The following PRDM7 variants were observed in gnomAD, a reference collection of about 807,000 sequenced individuals.
PRDM7 encodes the protein histone-lysine N-methyltransferase PRDM7.
PRDM7 carries 52 observed loss-of-function variants against 64.3 expected under a neutral mutation model. That is an observed-to-expected ratio of 0.81 (90% CI 0.65 to 1.02). The LOEUF (loss-of-function observed/expected upper bound fraction) is 1.02. PRDM7 is among the 50% of genes least tolerant of loss of function. The probability of loss-of-function intolerance (pLI) is 0.00; values close to 1 mark genes in which losing one functional copy is unlikely to be tolerated. For synonymous variants in PRDM7, 192 were observed against 210.1 expected (o/e 0.91, Z 0.74); for missense variants, 574 against 597.1 (o/e 0.96, Z 0.40).
intron 4 of PRDM7, 136 bp from the exon 5 acceptor site, chr16:90,067,046 C>A (rs1400468815): frequency 8.6e-6 from 6 of 699,288 alleles, no homozygotes; most frequent in Non-Finnish European, 1.5e-5. Flanking sequence ...CTCACTGCAA[C>A]CTCCGCCTCC....
intron 4 of PRDM7, among the ~76,000 whole-genome samples, chr16:90,069,024 A>G (rs1436881255): frequency 2.6e-5 from 4 of 151,374 alleles, no homozygotes; most frequent in Non-Finnish European, 5.9e-5. Flanking sequence ...AAAATCATAT[A>G]GAATCTCTAA....
At position 90,057,873 on chromosome 16, in the gene PRDM7, TG is replaced by T; in HGVS notation, c.*415del. ...TTCCTGCAGACTGGGGCGTCTCCCCTGTGTGTCCTCTGGTGAATGAGGAGGA... is the reference window on the plus strand; with the variant it reads ...TTCCTGCAGACTGGGGCGTCTCCCCTTGTGTCCTCTGGTGAATGAGGAGGA... On this transcript the variant is annotated 3_prime_UTR_variant, in exon 11 of 11. Coordinates refer to ENST00000449207, the MANE Select transcript of PRDM7 (RefSeq NM_001098173.2). The T allele has an allele frequency of 1.3e-6, 2 of 1,514,416 alleles. No homozygotes were observed. The highest frequency in any genetic ancestry group is 1.8e-6 in the Non-Finnish European group (2 of 1,111,118). 93.8% of individuals were successfully genotyped at this position (1,514,416 alleles called of 1,614,324 possible).
chr16:90,073,546 C>T (rs2037992619), intron 4 of PRDM7, among the ~76,000 whole-genome samples: 1 of 151,920 alleles, frequency 6.6e-6, no homozygotes. Context: ...ACTACAGGTG[C>T]CCGCCACCGT....
At chr16:90,065,008 T>C (rs550732808) in intron 5 of PRDM7, among the ~76,000 whole-genome samples, 202 of 151,006 alleles carry the variant, frequency 1.3e-3, no homozygotes, top group Admixed American at 2.3e-3. Flanking sequence ...TGTGAGCCAC[T>C]GCCTCCGGCA....
intron 4 of PRDM7, among the ~76,000 whole-genome samples, chr16:90,072,187 C>T (rs1304056993): frequency 6.6e-6 from 1 of 150,406 alleles, no homozygotes; most frequent in African/African-American, 2.4e-5. Context: ...GCCGAGATTG[C>T]GCCACTGCAC....
chr16:90,066,953 T>C, intron 4 of PRDM7, 43 bp from the exon 5 acceptor site: 1 of 1,510,032 alleles, frequency 6.6e-7, no homozygotes. Flanking sequence ...GGTAAATGTT[T>C]CCAAACTCTA....
At position 90,061,999 on chromosome 16, in the gene PRDM7, T is replaced by C. The variant is rs1316933862; in HGVS notation, c.804A>G (p.Pro268=). The C allele has an allele frequency of 1.7e-5, 27 of 1,614,166 alleles. No individual in the cohort carries two copies. The highest frequency in any genetic ancestry group is 4.0e-5 in the African/African-American group (3 of 74,956). ...LGVWNEASDL[P]LGLHFGPYEG... ...CATAGGGGCCAAAGTGCAGACCCAG[T>C]GGCAGATCAGATGCCTCGTTCCATA... The change falls in exon 8 of 11, where the codon CCA becomes CCG. Residue 268 remains proline (P), a synonymous_variant. Transcript: ENST00000449207.
At position 90,058,186 on chromosome 16, in the gene PRDM7, G is replaced by T; in HGVS notation, c.*103C>A. On this transcript the variant is annotated 3_prime_UTR_variant, in exon 11 of 11. Coordinates refer to ENST00000449207, the MANE Select transcript of PRDM7 (RefSeq NM_001098173.2). Reference sequence around the variant, plus strand: ...TGGATTCACTTTCTGGCCTGTTCTGGACTCTTCTTCCATCATTCTTTCTCC... The same window carrying T: ...TGGATTCACTTTCTGGCCTGTTCTGTACTCTTCTTCCATCATTCTTTCTCC... 6.2e-7 allele frequency: 1 copy of T among 1,614,146 alleles called. No individual in the cohort carries two copies. The highest frequency in any genetic ancestry group is 8.5e-7 in the Non-Finnish European group (1 of 1,180,034).
At chr16:90,074,566 ACT>A (rs1472221090) in intron 4 of PRDM7, among the ~76,000 whole-genome samples, 1 of 150,546 alleles carries the variant, frequency 6.6e-6, no homozygotes, top group Non-Finnish European at 1.5e-5. Flanking sequence ...ACAGAGCAAG[ACT>A]CTGTCTTAAA....
Position 90,058,098 on chromosome 16 carries a change from T to C in PRDM7, c.*191A>G. The C allele has an allele frequency of 1.2e-6, 2 of 1,614,018 alleles. No homozygotes were observed. Among genetic ancestry groups the C allele is most frequent in the South Asian group, 2.2e-5 (2 of 91,082 alleles). ...TATCACTGAAACCTTGCCCACACTC[T>C]CCATATTTGACTTTCGCAATTCTTG... On this transcript the variant is annotated 3_prime_UTR_variant, in exon 11 of 11. Transcript: ENST00000449207.
Position 90,058,037 on chromosome 16 carries a change from C to G in PRDM7, c.*252G>C, listed in dbSNP as rs2037709907. 6.8e-6 allele frequency: 11 copies of G among 1,611,588 alleles called. No individual in the cohort carries two copies. In the Middle Eastern group the frequency reaches 8.3e-4, roughly 121 times the overall value. On this transcript the variant is annotated 3_prime_UTR_variant, in exon 11 of 11. Transcript: ENST00000449207. ...TCTCTGCAGACGTAGGGCTTCCCCC[C>G]TGTGTGTGTCCTTTGGTGTGTAATA...
At chr16:90,066,472 G>T (rs576316798) in intron 5 of PRDM7, among the ~76,000 whole-genome samples, 2 of 151,338 alleles carry the variant, frequency 1.3e-5, no homozygotes, top group South Asian at 4.1e-4. Context: ...TAGAGAAGGA[G>T]TTTTGGATTA....
At position 90,063,640 on chromosome 16, in the gene PRDM7, G is replaced by A. The variant is rs758242342; in HGVS notation, c.480C>T (p.Thr160=). 9 of 1,613,794 alleles carry A rather than the reference G, an allele frequency of 5.6e-6. No individual in the cohort carries two copies. The highest frequency in any genetic ancestry group is 7.6e-6 in the Non-Finnish European group (9 of 1,180,014). Residue 160 remains threonine (T), a synonymous_variant, in exon 6 of 11, where the codon ACC becomes ACT. Coordinates refer to ENST00000449207, the MANE Select transcript of PRDM7 (RefSeq NM_001098173.2). ...KPVSPPGEAS[T]SGQHSRLKLE... ...GTTTTAGTCTAGAGTGCTGTCCAGA[G>A]GTACTTGCTTCTCCAGGAGGGGACA... is the stretch of plus-strand genomic sequence containing the variant.
chr16:90,074,273 A>AATCATC (rs904859540), intron 4 of PRDM7, among the ~76,000 whole-genome samples: 1 of 117,312 alleles, frequency 8.5e-6, no homozygotes, highest in Non-Finnish European at 1.8e-5. Flanking sequence ...TAATAGTAAC[A>AATCATC]ATCATCATCG....
chr16:90,070,715 A>T (rs1474444172), intron 4 of PRDM7, among the ~76,000 whole-genome samples: 1 of 143,836 alleles, frequency 7.0e-6, no homozygotes, highest in African/African-American at 2.8e-5. Flanking sequence ...AGTCAGGAAG[A>T]GAGCCCTCAC....
intron 4 of PRDM7, 39 bp downstream of exon 4, chr16:90,074,877 C>CT: frequency 6.3e-7 from 1 of 1,587,548 alleles, no homozygotes. Flanking sequence ...GAAACTCCGT[C>CT]TTTAAAAAAA....
At chr16:90,064,577 C>G (rs1383975595) in intron 5 of PRDM7, among the ~76,000 whole-genome samples, 1 of 151,854 alleles carries the variant, frequency 6.6e-6, no homozygotes, top group Admixed American at 6.6e-5. Context: ...CCACACCCAG[C>G]TAATTTTTGT....
At chr16:90,066,371 A>T (rs2037872068) in intron 5 of PRDM7, among the ~76,000 whole-genome samples, 1 of 151,372 alleles carries the variant, frequency 6.6e-6, no homozygotes, top group Admixed American at 6.6e-5. Flanking sequence ...TGAGGTTGAA[A>T]AATCAATTGG....
rs1437399106 is a variant in PRDM7 at position 90,063,444 on chromosome 16, C to A, written c.508+168G>T. 3.3e-5 allele frequency among the ~76,000 whole-genome samples: 5 copies of A among 152,068 alleles called. No individual in the cohort carries two copies. The East Asian group carries it at 9.6e-4, about 29-fold the overall frequency. ...CAGAGTAAGACTCTGTCTCAGTGAA[C>A]AAATAAATAAATAATTTTAACAAAA... On this transcript the variant is annotated intron_variant, in intron 6 of 10. Coordinates refer to ENST00000449207, the MANE Select transcript of PRDM7 (RefSeq NM_001098173.2).
Sources: gnomAD v4.1 joint callset for allele counts (sites outside exome capture counted in the v4.1 genomes callset) on GRCh38, gnomAD v4.1.1 for gene constraint, MANE v1.5 for transcripts, NCBI Gene and HGNC (gene_info 2026-07-23, HGNC 2026-07-21) for gene names.